Variants in POU6F2 observed in about 807,000 individuals in gnomAD.
POU6F2 encodes the protein POU domain, class 6, transcription factor 2.
Under a neutral mutation model 71.3 loss-of-function variants are expected in POU6F2, and 31 were observed. The observed-to-expected ratio is 0.43, with a 90% CI of 0.33 to 0.59. The LOEUF (loss-of-function observed/expected upper bound fraction) is 0.59, where lower values mean the gene tolerates loss of function less well. Ranked by LOEUF, POU6F2 falls within the 20% of genes least tolerant of loss-of-function variation. The pLI, the probability that POU6F2 is intolerant of heterozygous loss-of-function variation, is 0.04. For synonymous variants in POU6F2, 347 were observed against 355.7 expected (o/e 0.98, Z 0.27); for missense variants, 783 against 856.8 (o/e 0.91, Z 1.07).
intron 1 of POU6F2, among the ~76,000 whole-genome samples, chr7:39,082,668 T>A (rs1054155520): frequency 2.0e-5 from 3 of 151,932 alleles, no homozygotes; most frequent in East Asian, 3.9e-4. Context: ...CCCCATCACT[T>A]ATAAGTCTGT....
chr7:39,333,702 C>A (rs1046468957), intron 4 of POU6F2, among the ~76,000 whole-genome samples: 3 of 152,184 alleles, frequency 2.0e-5, no homozygotes, highest in African/African-American at 7.2e-5. Context: ...TGTGCCACTG[C>A]ACTCCAGCCT....
chr7:39,133,890 T>C (rs1185446663), intron 2 of POU6F2, among the ~76,000 whole-genome samples: 2 of 152,200 alleles, frequency 1.3e-5, no homozygotes, highest in African/African-American at 4.8e-5. Context: ...TTCTTTCTGT[T>C]TTTTTAGACC....
chr7:39,163,790 A>G (rs749926414), intron 2 of POU6F2, among the ~76,000 whole-genome samples: 4 of 152,194 alleles, frequency 2.6e-5, no homozygotes, highest in Admixed American at 6.5e-5. Context: ...TGAATGGATA[A>G]AGAAAATGTG....
intron 4 of POU6F2, among the ~76,000 whole-genome samples, chr7:39,213,339 A>G (rs1216155630): frequency 6.6e-6 from 1 of 152,184 alleles, no homozygotes; most frequent in African/African-American, 2.4e-5. Flanking sequence ...ACCTGGGAAT[A>G]GTTTGGGGAT....
intron 4 of POU6F2, among the ~76,000 whole-genome samples, chr7:39,239,806 A>C (rs1783689455): frequency 2.0e-5 from 3 of 152,164 alleles, no homozygotes; most frequent in Admixed American, 6.6e-5. Flanking sequence ...TATGGAAACT[A>C]TCAGGAGTCA....
chr7:39,189,892 G>A (rs576147570), intron 2 of POU6F2, among the ~76,000 whole-genome samples: 1 of 151,806 alleles, frequency 6.6e-6, no homozygotes, highest in South Asian at 2.1e-4. Context: ...CTACTGAGAT[G>A]CCCCCATGGT....
intron 2 of POU6F2, among the ~76,000 whole-genome samples, chr7:39,174,222 A>G (rs1424822640): frequency 6.6e-6 from 1 of 152,234 alleles, no homozygotes; most frequent in African/African-American, 2.4e-5. Flanking sequence ...TCTCACAGAT[A>G]ATGCTGTATG....
intron 4 of POU6F2, among the ~76,000 whole-genome samples, chr7:39,271,717 A>G (rs925051473): frequency 2.0e-4 from 30 of 152,256 alleles, no homozygotes; most frequent in Admixed American, 7.8e-4. Flanking sequence ...TAACATGCCT[A>G]TATGCTCATT....
At chr7:39,130,173 T>A (rs899405631) in intron 2 of POU6F2, among the ~76,000 whole-genome samples, 29 of 151,556 alleles carry the variant, frequency 1.9e-4, no homozygotes, top group Non-Finnish European at 4.1e-4. Context: ...TGTGTGTGTG[T>A]GTGTGTGTTT....
At chr7:39,220,556 C>T (rs1322068645) in intron 4 of POU6F2, among the ~76,000 whole-genome samples, 1 of 152,138 alleles carries the variant, frequency 6.6e-6, no homozygotes, top group African/African-American at 2.4e-5. Context: ...AATACAGAAG[C>T]TACATGGTCA....
intron 4 of POU6F2, among the ~76,000 whole-genome samples, chr7:39,306,807 C>A (rs1041926968): frequency 6.6e-6 from 1 of 152,192 alleles, no homozygotes. Context: ...TATACTAATC[C>A]TTGGATAGGA....
chr7:39,017,813 C>CAT (rs142504790), intron 1 of POU6F2, among the ~76,000 whole-genome samples: 1 of 147,924 alleles, frequency 6.8e-6, no homozygotes, highest in South Asian at 2.2e-4. Context: ...ATTGTGCATG[C>CAT]GTGTGTGTGT....
chr7:39,086,146 A>C (rs1791241236), intron 2 of POU6F2, 115 bp downstream of exon 2: 4 of 1,119,806 alleles, frequency 3.6e-6, no homozygotes, highest in Non-Finnish European at 4.9e-6. Context: ...GTAAGTACTA[A>C]AAAGGAGCAT....
intron 4 of POU6F2, among the ~76,000 whole-genome samples, chr7:39,320,760 A>G (rs1785371844): frequency 6.6e-6 from 1 of 152,216 alleles, no homozygotes. Flanking sequence ...GGTTAACGAC[A>G]ACAACAATTT....
chr7:39,085,003 G>A (rs990985914), intron 1 of POU6F2: 1 of 152,204 alleles, frequency 6.6e-6, no homozygotes, highest in African/African-American at 2.4e-5. Flanking sequence ...TTAATGAGCT[G>A]AAGATAAAGC....
intron 2 of POU6F2, among the ~76,000 whole-genome samples, chr7:39,125,214 C>A (rs1792117861): frequency 6.6e-6 from 1 of 152,100 alleles, no homozygotes; most frequent in Non-Finnish European, 1.5e-5. Context: ...TCTCTTGAAA[C>A]TTTGAACTAT....
chr7:39,275,096 A>T (rs62455866), intron 4 of POU6F2, among the ~76,000 whole-genome samples: 41,425 of 151,710 alleles, frequency 0.27, 6,631 homozygotes, highest in African/African-American at 0.44. Context: ...AATTAGGAAA[A>T]CAGGAAGTCA....
intron 2 of POU6F2, among the ~76,000 whole-genome samples, chr7:39,164,951 C>A (rs1160625624): frequency 6.6e-6 from 1 of 152,120 alleles, no homozygotes; most frequent in Non-Finnish European, 1.5e-5. Context: ...TTTTCCTATT[C>A]ATTAATATTA....
intron 5 of POU6F2, among the ~76,000 whole-genome samples, chr7:39,381,385 G>A (rs1238303833): frequency 1.3e-5 from 2 of 151,998 alleles, no homozygotes; most frequent in South Asian, 2.1e-4. Context: ...CTACAGGCAC[G>A]CGCCACCACA....
Sources: gnomAD v4.1 joint callset for allele counts (sites outside exome capture counted in the v4.1 genomes callset) on GRCh38, gnomAD v4.1.1 for gene constraint, MANE v1.5 for transcripts, NCBI Gene and HGNC (gene_info 2026-07-23, HGNC 2026-07-21) for gene names.